MED12L: variants seen among roughly 807,000 people sequenced by gnomAD.
The protein encoded by MED12L is mediator of RNA polymerase II transcription subunit 12-like protein.
MED12L carries 60 observed loss-of-function variants against 281.3 expected under a neutral mutation model. The observed-to-expected ratio is 0.21, with a 90% confidence interval of 0.17 to 0.26. The LOEUF is 0.26. Among genes scored for constraint, MED12L ranks in the 10% least tolerant of loss-of-function variants. The pLI is 1.00. For synonymous variants in MED12L, 974 were observed against 987.2 expected (o/e 0.99, Z 0.25); for missense variants, 2,146 against 2,680.9 (o/e 0.80, Z 4.41).
chr3:151,326,040 C>A (rs1445474575), intron 16 of MED12L, among the ~76,000 whole-genome samples: 1 of 152,168 alleles, frequency 6.6e-6, no homozygotes, highest in Non-Finnish European at 1.5e-5. Context: ...ACAAATTTTA[C>A]TTAACCATTA....
At chr3:151,252,825 A>T (rs778666920) in intron 16 of MED12L, among the ~76,000 whole-genome samples, 2 of 152,136 alleles carry the variant, frequency 1.3e-5, no homozygotes, top group African/African-American at 4.8e-5. Flanking sequence ...CTTGAGTAAA[A>T]TGTGTGTATT....
At chr3:151,160,376 A>G (rs1719833707) in intron 8 of MED12L, among the ~76,000 whole-genome samples, 1 of 152,322 alleles carries the variant, frequency 6.6e-6, no homozygotes, top group African/African-American at 2.4e-5. Flanking sequence ...AACCCACAGA[A>G]TAAGTCAGTT....
rs1048311771 is a variant in MED12L at position 151,278,942 on chromosome 3, G to A, written c.2251-71117G>A. Among the ~76,000 whole-genome samples, 32 of 152,144 alleles carry A rather than the reference G, an allele frequency of 2.1e-4. 1 individual carries two copies. Among genetic ancestry groups the A allele is most frequent in the Admixed American group, 5.2e-4 (8 of 15,278 alleles). On this transcript the variant is annotated intron_variant, in intron 16 of 44. Coordinates refer to ENST00000687756, the MANE Select transcript of MED12L (RefSeq NM_001393769.1). ...TTACTGATAAATAGATCACAAGTAG[G>A]ACTTCAGATAAACTCCTCGTGTGTT... is the stretch of plus-strand genomic sequence containing the variant.
chr3:151,166,640 C>T (rs977994802), intron 11 of MED12L, among the ~76,000 whole-genome samples: 15 of 151,050 alleles, frequency 9.9e-5, no homozygotes, highest in African/African-American at 3.7e-4. Flanking sequence ...CATAGGCAGT[C>T]TGGAGGCAGA....
At chr3:151,432,608 T>G in intron 44 of MED12L, 144 bp from the exon 45 acceptor site, 1 of 577,408 alleles carries the variant, frequency 1.7e-6, no homozygotes, top group Non-Finnish European at 3.1e-6. Flanking sequence ...ACCACAAGGG[T>G]TTTTCAGGGC....
intron 39 of MED12L, among the ~76,000 whole-genome samples, chr3:151,401,076 ATTAC>A (rs1307738812): frequency 1.3e-5 from 2 of 152,144 alleles, no homozygotes; most frequent in Non-Finnish European, 2.9e-5. Flanking sequence ...ATTGTACAGT[ATTAC>A]TTTGTAGATT....
At chr3:151,424,624 A>AAC (rs1553820753) in intron 43 of MED12L, among the ~76,000 whole-genome samples, 1 of 147,954 alleles carries the variant, frequency 6.8e-6, no homozygotes, top group East Asian at 2.4e-4. Flanking sequence ...CTGTCTCAAA[A>AAC]AAAACAAAAC....
At chr3:151,213,909 A>T (rs1376539589) in intron 16 of MED12L, 1 of 1,614,136 alleles carries the variant, frequency 6.2e-7, no homozygotes, top group South Asian at 1.1e-5. Flanking sequence ...GTTTGCTGTA[A>T]CTCACTGACT....
chr3:151,326,220 C>T (rs1359270265), intron 16 of MED12L: 2 of 152,540 alleles, frequency 1.3e-5, no homozygotes, highest in Non-Finnish European at 2.9e-5. Flanking sequence ...GCTTTCATTT[C>T]AAGAAATTTA....
intron 16 of MED12L, among the ~76,000 whole-genome samples, chr3:151,336,041 A>C (rs1750935047): frequency 6.6e-6 from 1 of 152,208 alleles, no homozygotes. Context: ...GTTTCAGTCC[A>C]TGCTCTACCC....
chr3:151,296,152 T>A (rs1745059413), intron 16 of MED12L, among the ~76,000 whole-genome samples: 1 of 152,234 alleles, frequency 6.6e-6, no homozygotes, highest in Non-Finnish European at 1.5e-5. Flanking sequence ...CTGGTATATT[T>A]TTTTTGTTTA....
At chr3:151,191,971 A>T (rs918342526) in intron 14 of MED12L, among the ~76,000 whole-genome samples, 1 of 152,196 alleles carries the variant, frequency 6.6e-6, no homozygotes, top group Admixed American at 6.5e-5. Flanking sequence ...ATTTTTTAAA[A>T]CAGTAGCTAT....
intron 44 of MED12L, among the ~76,000 whole-genome samples, chr3:151,432,409 A>G (rs886471482): frequency 6.6e-6 from 1 of 152,204 alleles, no homozygotes; most frequent in African/African-American, 2.4e-5. Context: ...GCTGACTTTC[A>G]TAAGCATTTT....
intron 11 of MED12L, among the ~76,000 whole-genome samples, chr3:151,172,265 C>T (rs1438848500): frequency 6.6e-6 from 1 of 152,192 alleles, no homozygotes; most frequent in East Asian, 1.9e-4. Flanking sequence ...AATGGGCATG[C>T]TATTTCCTGA....
chr3:151,332,791 A>G (rs9867524), intron 16 of MED12L, among the ~76,000 whole-genome samples: 17,052 of 152,082 alleles, frequency 0.11, 1,241 homozygotes, highest in Middle Eastern at 0.17. Context: ...GGTTTGTTAC[A>G]TAGGTAAATT....
At chr3:151,127,356 T>A (rs553161209) in intron 4 of MED12L, among the ~76,000 whole-genome samples, 2 of 152,324 alleles carry the variant, frequency 1.3e-5, no homozygotes, top group South Asian at 2.1e-4. Flanking sequence ...ATTGTTACTC[T>A]TATGAAATTT....
chr3:151,295,613 G>T (rs1485220430), intron 16 of MED12L, among the ~76,000 whole-genome samples: 1 of 152,172 alleles, frequency 6.6e-6, no homozygotes, highest in Admixed American at 6.5e-5. Context: ...TATTGTTTCA[G>T]TGTAGTCTTT....
intron 38 of MED12L, among the ~76,000 whole-genome samples, chr3:151,391,636 A>C (rs73159907): frequency 0.3 from 45,247 of 151,970 alleles, 7,526 homozygotes; most frequent in Non-Finnish European, 0.38. Flanking sequence ...ACGTTTACAA[A>C]TTTTTGTTGG....
chr3:151,269,590 C>T (rs1577188652), intron 16 of MED12L: 1 of 316,920 alleles, frequency 3.2e-6, no homozygotes, highest in East Asian at 8.5e-5. Context: ...CAGCCATCCA[C>T]AAGTGTCTAC....
Sources: allele counts gnomAD v4.1 joint callset (sites outside exome capture counted in the v4.1 genomes callset), GRCh38; gene constraint gnomAD v4.1.1; transcripts MANE v1.5; gene names NCBI Gene and HGNC (gene_info 2026-07-23, HGNC 2026-07-21).